Variants in RNF2 observed in about 807,000 individuals in gnomAD.
RNF2 encodes ring finger protein 2.
RNF2 carries 6 observed loss-of-function variants against 37.2 expected under a neutral mutation model. The ratio of observed to expected loss-of-function variants is 0.16; its 90% CI spans 0.09 to 0.32. RNF2 has a LOEUF of 0.32. Ranked by LOEUF, RNF2 falls within the 10% of genes least tolerant of loss-of-function variation. The pLI is 1.00. For missense variants in RNF2, 251 were observed against 404.0 expected, an observed-to-expected ratio of 0.62 and a Z score of 3.25; for synonymous variants, 133 against 132.7, an observed-to-expected ratio of 1.00 and a Z score of -0.02.
In RNF2 at chr1:185,101,663, G is replaced by A. The variant is rs1652080544; in HGVS notation, c.*1362G>A. 6.6e-6 allele frequency: 1 copy of A among 151,888 alleles called. No individual in the cohort carries two copies. Among genetic ancestry groups the A allele is most frequent in the Non-Finnish European group, 1.5e-5 (1 of 67,872 alleles). 9.4% of individuals were successfully genotyped at this position (151,888 alleles called of 1,614,324 possible). ...GTTTTCAATAGGGTGTAGACCTCCA[G>A]TACCTTTGTAACTAAAGTCTGTCTA... On this transcript the variant is annotated 3_prime_UTR_variant, in exon 7 of 7. Transcript: ENST00000367510.
intron 1 of RNF2, among the ~76,000 whole-genome samples, chr1:185,083,939 T>TAAA (rs750661158): frequency 1.6e-5 from 2 of 126,114 alleles, no homozygotes; most frequent in Admixed American, 1.6e-4. Flanking sequence ...GTCTTTTCCT[T>TAAA]AAAAAAAAAA....
intron 1 of RNF2, among the ~76,000 whole-genome samples, chr1:185,052,850 G>T (rs115173123): frequency 1.3e-3 from 195 of 152,292 alleles, no homozygotes; most frequent in African/African-American, 4.5e-3. Context: ...CAGCAAGTGT[G>T]GCTTCAAAGC....
chr1:185,073,142 A>G (rs1255694316), intron 1 of RNF2, among the ~76,000 whole-genome samples: 1 of 151,240 alleles, frequency 6.6e-6, no homozygotes, highest in Non-Finnish European at 1.5e-5. Flanking sequence ...AGTATTCTAT[A>G]CTATGGACAT....
intron 2 of RNF2, among the ~76,000 whole-genome samples, chr1:185,088,889 C>T (rs1651682540): frequency 6.6e-6 from 1 of 152,142 alleles, no homozygotes; most frequent in African/African-American, 2.4e-5. Context: ...GCAGCATGCC[C>T]AGGGACCAGT....
chr1:185,075,726 A>T (rs146883382), intron 1 of RNF2, among the ~76,000 whole-genome samples: 107 of 152,154 alleles, frequency 7.0e-4, no homozygotes, highest in African/African-American at 2.5e-3. Flanking sequence ...AGAACTCATT[A>T]ACACGAGAAC....
chr1:185,063,281 G>T (rs1035033580), intron 1 of RNF2, among the ~76,000 whole-genome samples: 17 of 152,290 alleles, frequency 1.1e-4, no homozygotes, highest in Non-Finnish European at 2.4e-4. Context: ...AAACCATTTG[G>T]CTGGCTTTTA....
intron 1 of RNF2, among the ~76,000 whole-genome samples, chr1:185,053,877 A>C (rs1650346890): frequency 6.6e-6 from 1 of 151,742 alleles, no homozygotes; most frequent in Non-Finnish European, 1.5e-5. Flanking sequence ...TTTTAAACTT[A>C]ATGTCTTGTA....
intron 1 of RNF2, among the ~76,000 whole-genome samples, chr1:185,068,524 G>C (rs1210002572): frequency 6.6e-6 from 1 of 152,200 alleles, no homozygotes; most frequent in East Asian, 1.9e-4. Context: ...AGGCAGATTG[G>C]AGTGATATGG....
In RNF2 at chr1:185,087,586, A is replaced by C; in HGVS notation, c.33A>C (p.Gln11His). The C allele has an allele frequency of 6.2e-7, 1 of 1,614,192 alleles. No homozygotes were observed. Residue 11 changes from glutamine (Q) to histidine (H), a missense_variant, in exon 2 of 7, where the codon CAA becomes CAC. By Grantham distance (24) the Gln-to-His change is conservative. Around this residue, in one of 7 missense-constraint regions of RNF2, gnomAD observed 43 missense variants for 82.7 expected, o/e 0.52. Coordinates refer to ENST00000367510, the MANE Select transcript of RNF2 (RefSeq NM_007212.4). MSQAVQTNGT[Q>H]PLSKTWELSL... ...AGGCTGTGCAGACAAACGGAACTCAACCATTAAGCAAAACATGGGAACTCA... is the reference window on the plus strand; with the variant it reads ...AGGCTGTGCAGACAAACGGAACTCACCCATTAAGCAAAACATGGGAACTCA...
chr1:185,073,952 T>G (rs192559608), intron 1 of RNF2, among the ~76,000 whole-genome samples: 2 of 152,330 alleles, frequency 1.3e-5, no homozygotes, highest in African/African-American at 4.8e-5. Flanking sequence ...CTGCCTCCAC[T>G]TCAGATGCCA....
chr1:185,054,675 T>A (rs1571293643), intron 1 of RNF2, among the ~76,000 whole-genome samples: 1 of 151,274 alleles, frequency 6.6e-6, no homozygotes, highest in Non-Finnish European at 1.5e-5. Flanking sequence ...TTTTTAATCT[T>A]TCTTTGTGGG....
intron 3 of RNF2, among the ~76,000 whole-genome samples, chr1:185,092,530 T>A (rs576286284): frequency 6.6e-6 from 1 of 152,290 alleles, no homozygotes; most frequent in South Asian, 2.1e-4. Flanking sequence ...TTCTAAAGCC[T>A]AAGTTTTAAT....
chr1:185,052,590 T>C (rs1375576087), intron 1 of RNF2, among the ~76,000 whole-genome samples: 1 of 152,230 alleles, frequency 6.6e-6, no homozygotes, highest in African/African-American at 2.4e-5. Context: ...AGAGTTTTAC[T>C]TTGGAGTAAT....
Position 185,077,452 on chromosome 1 carries a change from G to A in RNF2, c.-2-10100G>A, listed in dbSNP as rs55743893. Among the ~76,000 whole-genome samples the A allele has an allele frequency of 8.1e-3, 1,233 of 151,948 alleles. 15 individuals carry two copies. Among genetic ancestry groups the A allele is most frequent in the African/African-American group, 0.027 (1,126 of 41,440 alleles). ...TAACATTGATTGTTTTGGGACTTCC[G>A]GTAGATTTTTCATGAGGTTAAGAAT... is the stretch of plus-strand genomic sequence containing the variant. On this transcript the variant is annotated intron_variant, in intron 1 of 6. Coordinates refer to ENST00000367510, the MANE Select transcript of RNF2 (RefSeq NM_007212.4).
chr1:185,069,150 A>G (rs1417407420), intron 1 of RNF2, among the ~76,000 whole-genome samples: 1 of 152,106 alleles, frequency 6.6e-6, no homozygotes. Context: ...TCTTTCACCT[A>G]TACTATTGAA....
chr1:185,098,457 G>A, intron 5 of RNF2, 113 bp downstream of exon 5: 2 of 1,238,004 alleles, frequency 1.6e-6, no homozygotes, highest in Non-Finnish European at 2.2e-6. Flanking sequence ...TTGATTGCAG[G>A]GGTTCAGTTA....
Position 185,100,853 on chromosome 1 carries a change from C to T in RNF2, c.*552C>T, listed in dbSNP as rs1043456292. 1.3e-5 allele frequency: 2 copies of T among 152,090 alleles called. No individual in the cohort carries two copies. Among genetic ancestry groups the T allele is most frequent in the Non-Finnish European group, 2.9e-5 (2 of 67,892 alleles). 9.4% of individuals were successfully genotyped at this position (152,090 alleles called of 1,614,324 possible). A position where few individuals can be genotyped will look rare whatever the true frequency, so the allele number is the denominator to read the frequency against. On this transcript the variant is annotated 3_prime_UTR_variant, in exon 7 of 7. Transcript: ENST00000367510. ...CATGGTATTTTCTTCCATAATATCT[C>T]ATTTTAAAAAGAAGTTCTTTATGAA...
At chr1:185,062,939 A>T (rs979153249) in intron 1 of RNF2, among the ~76,000 whole-genome samples, 16 of 152,072 alleles carry the variant, frequency 1.1e-4, no homozygotes, top group African/African-American at 1.9e-4. Context: ...AGGGTTTTTT[A>T]AAAAAATGTT....
At position 185,078,973 on chromosome 1, in the gene RNF2, G is replaced by T. The variant is rs1651259374; in HGVS notation, c.-2-8579G>T. ...GCAGGAGAATCGCTTGAACCCGGGA[G>T]GCAGAGGTTGCAGTCCCTAAAAGAT... On this transcript the variant is annotated intron_variant, in intron 1 of 6. Coordinates refer to ENST00000367510, the MANE Select transcript of RNF2 (RefSeq NM_007212.4). Among the ~76,000 whole-genome samples, 6 of 152,184 alleles carry T rather than the reference G, an allele frequency of 3.9e-5. No homozygotes were observed. The South Asian group carries it at 1.0e-3, about 26-fold the overall frequency.
Sources: allele counts gnomAD v4.1 joint callset (sites outside exome capture counted in the v4.1 genomes callset), GRCh38; gene constraint gnomAD v4.1.1; regional missense constraint gnomAD v4.1.1; transcripts MANE v1.5; gene names NCBI Gene and HGNC (gene_info 2026-07-23, HGNC 2026-07-21).